SDCCAG8: variants seen among roughly 807,000 people sequenced by gnomAD.
The protein encoded by SDCCAG8 is SHH signaling and ciliogenesis regulator SDCCAG8, also known as serologically defined colon cancer antigen 8.
Under a neutral mutation model 101.8 loss-of-function variants are expected in SDCCAG8, and 74 were observed. That is an observed-to-expected ratio of 0.73 (90% CI 0.60 to 0.88). SDCCAG8 has a LOEUF of 0.88. Among genes scored for constraint, SDCCAG8 ranks in the 40% least tolerant of loss-of-function variants. The pLI is 0.00. For missense variants in SDCCAG8, 787 were observed against 822.6 expected, an observed-to-expected ratio of 0.96 and a Z score of 0.53; for synonymous variants, 281 against 292.9, an observed-to-expected ratio of 0.96 and a Z score of 0.41.
At chr1:243,463,258 A>T (rs138601371) in intron 16 of SDCCAG8, among the ~76,000 whole-genome samples, 119 of 152,354 alleles carry the variant, frequency 7.8e-4, no homozygotes, top group African/African-American at 2.7e-3. Context: ...AGAAGAAGGA[A>T]CAGGTAAGCA....
At chr1:243,258,646 C>G (rs2066950318) in intron 1 of SDCCAG8, among the ~76,000 whole-genome samples, 1 of 152,166 alleles carries the variant, frequency 6.6e-6, no homozygotes, top group Non-Finnish European at 1.5e-5. Flanking sequence ...CTTAAGTGAT[C>G]CGCCCACTTC....
At chr1:243,352,622 T>C (rs894012054) in intron 12 of SDCCAG8, among the ~76,000 whole-genome samples, 1 of 152,212 alleles carries the variant, frequency 6.6e-6, no homozygotes, top group African/African-American at 2.4e-5. Context: ...TCCAGAAATA[T>C]TAGTACCTAT....
Position 243,499,881 on chromosome 1 carries a change from A to C in SDCCAG8, c.*96A>C. 2 of 1,203,672 alleles carry C rather than the reference A, an allele frequency of 1.7e-6. No individual in the cohort carries two copies. The highest frequency in any genetic ancestry group is 2.5e-5 in the South Asian group (2 of 80,442). 74.6% of individuals were successfully genotyped at this position (1,203,672 alleles called of 1,614,324 possible). ...TGCCACAACGCACCACGACCTTCCC[A>C]GGGTGACACCGCCTCAGCCTGCAGT... On this transcript the variant is annotated 3_prime_UTR_variant, in exon 18 of 18. Transcript: ENST00000366541.
chr1:243,480,619 GGTGGT>G (rs1663426146), intron 16 of SDCCAG8, among the ~76,000 whole-genome samples: 1 of 124,802 alleles, frequency 8.0e-6, no homozygotes, highest in Non-Finnish European at 1.7e-5. Flanking sequence ...TGGATGGATG[GGTGGT>G]ATGGATGGAT....
chr1:243,445,350 C>A (rs1363429982), intron 16 of SDCCAG8, among the ~76,000 whole-genome samples: 1 of 152,164 alleles, frequency 6.6e-6, no homozygotes, highest in Admixed American at 6.5e-5. Flanking sequence ...AGTAATGACT[C>A]GAATCCGTTT....
chr1:243,443,696 A>G (rs2082695315), intron 16 of SDCCAG8, among the ~76,000 whole-genome samples: 1 of 152,116 alleles, frequency 6.6e-6, no homozygotes, highest in South Asian at 2.1e-4. Flanking sequence ...ATCGAAAACA[A>G]ATCCTGTCAG....
chr1:243,278,985 C>G (rs1572926126), intron 4 of SDCCAG8, among the ~76,000 whole-genome samples: 1 of 151,958 alleles, frequency 6.6e-6, no homozygotes, highest in Non-Finnish European at 1.5e-5. Flanking sequence ...GAATTGAGGT[C>G]TCATCATGTT....
intron 16 of SDCCAG8, among the ~76,000 whole-genome samples, chr1:243,453,958 T>A (rs2083552904): frequency 6.6e-6 from 1 of 152,184 alleles, no homozygotes; most frequent in African/African-American, 2.4e-5. Flanking sequence ...TTCTATTGGC[T>A]TTACATAAAC....
chr1:243,497,365 G>T (rs1668254605), intron 17 of SDCCAG8, among the ~76,000 whole-genome samples: 1 of 150,876 alleles, frequency 6.6e-6, no homozygotes, highest in Non-Finnish European at 1.5e-5. Flanking sequence ...GCAGTGAACG[G>T]TAAGTTCAAC....
chr1:243,455,937 G>A (rs1290741348), intron 16 of SDCCAG8, among the ~76,000 whole-genome samples: 1 of 152,186 alleles, frequency 6.6e-6, no homozygotes, highest in African/African-American at 2.4e-5. Context: ...GGGCATCGCT[G>A]TGGCCCCTAA....
chr1:243,429,685 T>A (rs2081582219), intron 16 of SDCCAG8, among the ~76,000 whole-genome samples: 1 of 148,154 alleles, frequency 6.7e-6, no homozygotes, highest in African/African-American at 2.5e-5. Flanking sequence ...CATACCACCA[T>A]GCTCTGCTAA....
chr1:243,260,427 T>C (rs553340196), intron 1 of SDCCAG8, among the ~76,000 whole-genome samples: 104 of 152,330 alleles, frequency 6.8e-4, no homozygotes, highest in African/African-American at 2.5e-3. Flanking sequence ...CTTCTCTAAA[T>C]TCAATACATC....
At chr1:243,258,699 C>A (rs1207554308) in intron 1 of SDCCAG8, among the ~76,000 whole-genome samples, 3 of 152,162 alleles carry the variant, frequency 2.0e-5, no homozygotes, top group Non-Finnish European at 2.9e-5. Context: ...CCACCGCGCC[C>A]GGCTGATAAT....
At chr1:243,497,337 T>TGG (rs373624566) in intron 17 of SDCCAG8, among the ~76,000 whole-genome samples, 3,948 of 34,780 alleles carry the variant, frequency 0.11, 148 homozygotes, top group Non-Finnish European at 0.18. Flanking sequence ...TAGGCACGGG[T>TGG]GGGGGGGGGG....
chr1:243,256,191 G>A lies in SDCCAG8; in HGVS notation c.18G>A (p.Glu6=). The change falls in exon 1 of 18, where the codon GAG becomes GAA. Residue 6 remains glutamate (E), a synonymous_variant. Coordinates refer to ENST00000366541, the MANE Select transcript of SDCCAG8 (RefSeq NM_006642.5). MAKSP[E]NSTLEEILGQ... is the part of the protein sequence containing the mutation. ...GTGCGTGCATGGCGAAGTCCCCGGA[G>A]AACTCTACCCTGGAGGAGATTCTGG... The A allele has an allele frequency of 1.2e-6, 2 of 1,614,212 alleles. No individual in the cohort carries two copies. Among genetic ancestry groups the A allele is most frequent in the South Asian group, 1.1e-5 (1 of 91,086 alleles).
intron 15 of SDCCAG8, among the ~76,000 whole-genome samples, chr1:243,420,037 A>C (rs576240537): frequency 6.6e-6 from 1 of 152,242 alleles, no homozygotes; most frequent in African/African-American, 2.4e-5. Context: ...ATAAATGATG[A>C]ATGAATGAAA....
chr1:243,471,715 G>A (rs969167697), intron 16 of SDCCAG8, among the ~76,000 whole-genome samples: 3 of 152,016 alleles, frequency 2.0e-5, no homozygotes, highest in Admixed American at 6.6e-5. Context: ...GGAGTTTTAC[G>A]TCGTCCTAGG....
At chr1:243,364,380 G>A (rs1167945588) in intron 12 of SDCCAG8, among the ~76,000 whole-genome samples, 1 of 152,174 alleles carries the variant, frequency 6.6e-6, no homozygotes, top group Admixed American at 6.5e-5. Flanking sequence ...GAGCCTATAG[G>A]TGAGAATGCT....
intron 8 of SDCCAG8, among the ~76,000 whole-genome samples, chr1:243,316,494 C>A (rs2073246086): frequency 6.6e-6 from 1 of 152,158 alleles, no homozygotes; most frequent in African/African-American, 2.4e-5. Flanking sequence ...CTGGGCTTTC[C>A]CCTGCAGCCC....
Sources: gnomAD v4.1 joint callset for allele counts (sites outside exome capture counted in the v4.1 genomes callset) on GRCh38, gnomAD v4.1.1 for gene constraint, MANE v1.5 for transcripts, NCBI Gene and HGNC (gene_info 2026-07-23, HGNC 2026-07-21) for gene names.